The following TDRD7 variants were observed in gnomAD, a reference collection of about 807,000 sequenced individuals.
TDRD7 encodes the protein tudor domain-containing protein 7.
In TDRD7, 47 loss-of-function variants were observed where a neutral mutation model predicts 109.8. The ratio of observed to expected loss-of-function variants is 0.43; its 90% CI spans 0.34 to 0.55. The LOEUF (loss-of-function observed/expected upper bound fraction) is 0.55, where lower values mean the gene tolerates loss of function less well. Ranked by LOEUF, TDRD7 falls within the 20% of genes least tolerant of loss-of-function variation. TDRD7 has a pLI of 0.03. For synonymous variants in TDRD7, 424 were observed against 457.3 expected (o/e 0.93, Z 0.93); for missense variants, 1,164 against 1,319.2 (o/e 0.88, Z 1.82).
In TDRD7 at chr9:97,460,266, A is replaced by C. The variant is rs1315089834; in HGVS notation, c.944A>C (p.Lys315Thr). ...QLLRSELDTE[K>T]VPLSPLPGPK... is the part of the protein sequence containing the mutation. ...TTGAGAAGTGAACTGGATACTGAGA[A>C]AGTACCTCTATCCCCACTACCTGGT... Residue 315 changes from lysine (K) to threonine (T), a missense_variant, in exon 7 of 17, where the codon AAA becomes ACA. Physicochemically the swap from Lys to Thr is moderately conservative, Grantham distance 78 (BLOSUM62 -1). This residue lies in a region of TDRD7 where 407 missense variants were observed against 394.0 expected (regional missense o/e 1.03). Transcript: ENST00000355295. 1.9e-6 allele frequency: 3 copies of C among 1,614,114 alleles called. No homozygotes were observed. In the South Asian group the frequency reaches 3.3e-5, roughly 18 times the overall value.
At chr9:97,443,165 A>C (rs1313371429) in intron 6 of TDRD7, among the ~76,000 whole-genome samples, 2 of 152,186 alleles carry the variant, frequency 1.3e-5, no homozygotes, top group Non-Finnish European at 2.9e-5. Context: ...GACTGGTGTC[A>C]TTCAATCATT....
Position 97,487,157 on chromosome 9 carries a change from T to G in TDRD7, c.2916-15T>G. The G allele has an allele frequency of 6.2e-7, 1 of 1,613,858 alleles. No homozygotes were observed. On this transcript the variant is annotated splice_polypyrimidine_tract_variant and intron_variant, in intron 15 of 16. Coordinates refer to ENST00000355295, the MANE Select transcript of TDRD7 (RefSeq NM_014290.3). ...TATGTGTTTTCTCTTCCTTTTTAAT[T>G]TAATGTACATCTAGGTGGCACAGGG...
intron 9 of TDRD7, 69 bp downstream of exon 9, chr9:97,470,738 G>A: frequency 8.2e-7 from 1 of 1,215,340 alleles, no homozygotes; most frequent in Non-Finnish European, 1.2e-6. Flanking sequence ...TTGGATAGTT[G>A]AATCCTAAAA....
In TDRD7 at chr9:97,436,263, T is replaced by C. The variant is rs115714082; in HGVS notation, c.564-2982T>C. ...TTATTTTCTTGTATGCCTGCCAATA[T>C]TGGGCATCTGTTTTTTGCTTTGCTA... On this transcript the variant is annotated intron_variant, in intron 4 of 16. Transcript: ENST00000355295. 7.4e-3 allele frequency among the ~76,000 whole-genome samples: 1,126 copies of C among 152,312 alleles called. 13 individuals carry two copies. The highest frequency in any genetic ancestry group is 0.026 in the African/African-American group (1,067 of 41,580).
chr9:97,422,195 C>A (rs2118237516), intron 1 of TDRD7, among the ~76,000 whole-genome samples: 1 of 152,188 alleles, frequency 6.6e-6, no homozygotes, highest in African/African-American at 2.4e-5. Context: ...GAGTTTGAGA[C>A]CAGCCTAGCC....
Position 97,478,158 on chromosome 9 carries a change from G to A in TDRD7, c.2167-281G>A, listed in dbSNP as rs552687315. Among the ~76,000 whole-genome samples the A allele has an allele frequency of 1.5e-4, 23 of 152,248 alleles. No homozygotes were observed. The East Asian group carries it at 3.3e-3, about 22-fold the overall frequency. On this transcript the variant is annotated intron_variant, in intron 12 of 16. Transcript: ENST00000355295. ...CACCTGTAATCCCAGCTACTTGGGA[G>A]GCTGAGGCAGGAGAATCACTTGAAC...
At chr9:97,437,815 C>A (rs1828231793) in intron 4 of TDRD7, among the ~76,000 whole-genome samples, 1 of 152,166 alleles carries the variant, frequency 6.6e-6, no homozygotes, top group Admixed American at 6.6e-5. Flanking sequence ...ACCAGTCTAA[C>A]TCTTTGTCTT....
At chr9:97,429,960 C>T (rs1009001272) in intron 2 of TDRD7, among the ~76,000 whole-genome samples, 4 of 152,156 alleles carry the variant, frequency 2.6e-5, no homozygotes, top group Non-Finnish European at 5.9e-5. Flanking sequence ...AAAATACCCC[C>T]GTTGCTCATA....
intron 4 of TDRD7, among the ~76,000 whole-genome samples, chr9:97,433,939 A>G (rs1339486332): frequency 1.3e-5 from 2 of 152,320 alleles, no homozygotes; most frequent in African/African-American, 4.8e-5. Flanking sequence ...TAGTACAGCT[A>G]TTATGGAAAA....
At chr9:97,422,963 T>C (rs1413440162) in intron 1 of TDRD7, among the ~76,000 whole-genome samples, 1 of 152,242 alleles carries the variant, frequency 6.6e-6, no homozygotes, top group East Asian at 1.9e-4. Context: ...TTTGCATTTA[T>C]GTTCATGAGG....
At chr9:97,450,339 A>G (rs956020078) in intron 6 of TDRD7, among the ~76,000 whole-genome samples, 1 of 152,228 alleles carries the variant, frequency 6.6e-6, no homozygotes, top group South Asian at 2.1e-4. Context: ...CTTCTCCCAC[A>G]GTAGAGGAGG....
intron 15 of TDRD7, among the ~76,000 whole-genome samples, chr9:97,485,539 A>C (rs1035584780): frequency 2.0e-5 from 3 of 152,194 alleles, no homozygotes; most frequent in African/African-American, 7.2e-5. Flanking sequence ...GGTGGAAACC[A>C]AGTGTTTTTA....
In TDRD7 at chr9:97,495,650, C is replaced by T; in HGVS notation, c.3077-13C>T. On this transcript the variant is annotated splice_polypyrimidine_tract_variant and intron_variant, in intron 16 of 16. Transcript: ENST00000355295. ...CTCCTCACTGCTCCCTCTTCTTCCT[C>T]TCTTCCTCCTAGGAGTGAAGTGCAA... 6.2e-7 allele frequency: 1 copy of T among 1,612,466 alleles called. No homozygotes were observed. Among genetic ancestry groups the T allele is most frequent in the South Asian group, 1.1e-5 (1 of 91,050 alleles).
In TDRD7 at chr9:97,412,150, G is replaced by GGCGGCGGCC. The variant is rs1564189693; in HGVS notation, c.-87_-79dup. The stretch of plus-strand genomic sequence containing the variant: ...CGGTGGTGCGGGGAAACCGAAAGTG[G>GGCGGCGGCC]GCGGCGGCCGCGGCGGGGCCCCTGG... On this transcript the variant is annotated 5_prime_UTR_variant, in exon 1 of 17. Transcript: ENST00000355295. The surrounding 1 kb of genome is among the most constrained non-coding windows in gnomAD (Gnocchi z 4.3). The GGCGGCGGCC allele has an allele frequency of 6.5e-6, 1 of 153,796 alleles. No homozygotes were observed. The highest frequency in any genetic ancestry group is 1.4e-5 in the Non-Finnish European group (1 of 69,156). The allele number at this position is 153,796 out of a possible 1,614,324, so 9.5% of individuals were successfully genotyped here. A position where few individuals can be genotyped will look rare whatever the true frequency, so the allele number is the denominator to read the frequency against.
At chr9:97,487,454 T>A in intron 16 of TDRD7, 122 bp downstream of exon 16, 1 of 1,289,852 alleles carries the variant, frequency 7.8e-7, no homozygotes, top group South Asian at 1.2e-5. Flanking sequence ...TTTTGTTTTT[T>A]TGTGCTAATA....
At chr9:97,438,292 T>A (rs1261788471) in intron 4 of TDRD7, among the ~76,000 whole-genome samples, 1 of 152,216 alleles carries the variant, frequency 6.6e-6, no homozygotes, top group Non-Finnish European at 1.5e-5. Flanking sequence ...CTTTTAGAAT[T>A]AAAATTTTAT....
chr9:97,480,814 T>C lies in TDRD7; in HGVS notation c.2302-14T>C. 1 of 1,605,828 alleles carries C rather than the reference T, an allele frequency of 6.2e-7. No individual in the cohort carries two copies. The highest frequency in any genetic ancestry group is 8.5e-7 in the Non-Finnish European group (1 of 1,172,440). ...ACATGGTGTGTTCACTTTTCCATCA[T>C]ATTTTCTTTTCAGGCCATTAAGTGC... On this transcript the variant is annotated splice_polypyrimidine_tract_variant and intron_variant, in intron 13 of 16. Coordinates refer to ENST00000355295, the MANE Select transcript of TDRD7 (RefSeq NM_014290.3).
intron 2 of TDRD7, among the ~76,000 whole-genome samples, chr9:97,429,211 C>T (rs939377644): frequency 1.2e-4 from 18 of 152,080 alleles, no homozygotes; most frequent in Admixed American, 1.1e-3. Flanking sequence ...ATCATTATAC[C>T]GTTTTAAATC....
At chr9:97,431,097 A>T in intron 3 of TDRD7, 23 bp downstream of exon 3, 1 of 1,613,612 alleles carries the variant, frequency 6.2e-7, no homozygotes, top group Middle Eastern at 1.7e-4. Context: ...TACATGCTAA[A>T]ATTTTTAGGG....
Sources: gnomAD v4.1 joint callset for allele counts (sites outside exome capture counted in the v4.1 genomes callset) on GRCh38, gnomAD v4.1.1 for gene constraint, gnomAD v4.1.1 regional missense constraint, Gnocchi (gnomAD v3.1) non-coding constraint, MANE v1.5 for transcripts, NCBI Gene and HGNC (gene_info 2026-07-23, HGNC 2026-07-21) for gene names.